Variants in IFTAP observed in about 807,000 individuals in gnomAD.
IFTAP encodes intraflagellar transport associated protein.
A neutral mutation model predicts 19.4 loss-of-function variants in IFTAP; 19 were observed. The observed-to-expected ratio is 0.98, with a 90% CI of 0.68 to 1.44. IFTAP has a LOEUF of 1.44. Among genes scored for constraint, IFTAP ranks in the 40% most tolerant of loss-of-function variants. IFTAP has a pLI of 0.00. For missense variants in IFTAP, 240 were observed against 253.6 expected (o/e 0.95, Z 0.36); for synonymous variants, 85 against 83.5 (o/e 1.02, Z -0.10).
chr11:36,619,008 G>T (rs1852200162), intron 2 of IFTAP, among the ~76,000 whole-genome samples: 1 of 151,968 alleles, frequency 6.6e-6, no homozygotes. Context: ...GGATTAAGGA[G>T]AAGAAAGAGT....
intron 5 of IFTAP, among the ~76,000 whole-genome samples, chr11:36,655,945 T>C (rs1341352164): frequency 2.0e-5 from 3 of 152,132 alleles, no homozygotes; most frequent in Non-Finnish European, 4.4e-5. Flanking sequence ...TCATCCTCCA[T>C]GACAGAGAAG....
intron 2 of IFTAP, among the ~76,000 whole-genome samples, chr11:36,627,804 T>C (rs184352214): frequency 3.3e-5 from 5 of 151,110 alleles, no homozygotes; most frequent in Admixed American, 2.0e-4. Flanking sequence ...CAGGTTGTTA[T>C]CATGCTGTAT....
At chr11:36,624,579 T>C (rs1394391320) in intron 2 of IFTAP, among the ~76,000 whole-genome samples, 1 of 152,186 alleles carries the variant, frequency 6.6e-6, no homozygotes, top group Non-Finnish European at 1.5e-5. Flanking sequence ...CTACCCACCT[T>C]TCCTAAACTG....
intron 4 of IFTAP, among the ~76,000 whole-genome samples, chr11:36,645,959 G>A (rs1478831868): frequency 6.6e-6 from 1 of 152,170 alleles, no homozygotes; most frequent in East Asian, 1.9e-4. Flanking sequence ...AAGGTGCTAT[G>A]TTAGGCACTA....
At chr11:36,612,274 C>G (rs1036829070) in intron 2 of IFTAP, among the ~76,000 whole-genome samples, 17 of 149,596 alleles carry the variant, frequency 1.1e-4, no homozygotes, top group Admixed American at 6.0e-4. Context: ...TCCAAGCACA[C>G]TAGTTGTTTT....
chr11:36,605,276 C>T (rs1380238897), intron 1 of IFTAP, among the ~76,000 whole-genome samples: 1 of 149,564 alleles, frequency 6.7e-6, no homozygotes, highest in African/African-American at 2.5e-5. Flanking sequence ...ACCACCTCCC[C>T]CCTGCCCCCC....
chr11:36,658,734 T>C (rs1002890792), intron 5 of IFTAP, among the ~76,000 whole-genome samples: 3 of 152,184 alleles, frequency 2.0e-5, no homozygotes, highest in Admixed American at 6.6e-5. Flanking sequence ...GTAAAATGTA[T>C]AATGAGTATA....
At chr11:36,619,551 A>AAACAC (rs1371685146) in intron 2 of IFTAP, among the ~76,000 whole-genome samples, 1 of 152,072 alleles carries the variant, frequency 6.6e-6, no homozygotes, top group Non-Finnish European at 1.5e-5. Context: ...TCATAAAAGA[A>AAACAC]AACACAACAA....
intron 1 of IFTAP, among the ~76,000 whole-genome samples, chr11:36,606,349 G>C (rs896257061): frequency 6.6e-6 from 1 of 152,180 alleles, no homozygotes; most frequent in Non-Finnish European, 1.5e-5. Flanking sequence ...TGTAATCCCA[G>C]CTACTCGGGA....
At chr11:36,603,224 T>A (rs1851571326) in intron 1 of IFTAP, among the ~76,000 whole-genome samples, 1 of 152,128 alleles carries the variant, frequency 6.6e-6, no homozygotes, top group Non-Finnish European at 1.5e-5. Context: ...TAAAGTAGCT[T>A]GGGTGAATGA....
chr11:36,633,043 A>G (rs542935023), intron 2 of IFTAP, among the ~76,000 whole-genome samples: 14 of 151,244 alleles, frequency 9.3e-5, no homozygotes, highest in Non-Finnish European at 1.6e-4. Flanking sequence ...GCGACCAAGA[A>G]CAGTGCTGGA....
At chr11:36,644,905 A>G (rs565065842) in intron 4 of IFTAP, among the ~76,000 whole-genome samples, 1,791 of 151,148 alleles carry the variant, frequency 0.012, 20 homozygotes, top group East Asian at 0.031. Flanking sequence ...TGTAAATGAT[A>G]GGTTAATGGG....
rs185590099 is a variant in IFTAP, at chr11:36,619,208, T to C, written c.136+8969T>C. Among the ~76,000 whole-genome samples the C allele has an allele frequency of 5.9e-5, 9 of 152,112 alleles. No individual in the cohort carries two copies. In the East Asian group the frequency reaches 1.7e-3, roughly 29 times the overall value. ...TTTACATTTCTGGACTGATAAATTT[T>C]GAGTTGTCATTTCAGCCAAAAGAAT... On this transcript the variant is annotated intron_variant, in intron 2 of 5. Transcript: ENST00000334307.
intron 1 of IFTAP, among the ~76,000 whole-genome samples, chr11:36,605,490 G>A (rs1851662487): frequency 6.6e-6 from 1 of 152,156 alleles, no homozygotes; most frequent in Non-Finnish European, 1.5e-5. Context: ...ACAATTTCAT[G>A]TATCATATTT....
intron 2 of IFTAP, 49 bp from the exon 3 acceptor site, chr11:36,633,235 G>T: frequency 7.2e-7 from 1 of 1,383,076 alleles, no homozygotes; most frequent in South Asian, 1.9e-5. Context: ...AAATAAACCA[G>T]ACTTGGTATT....
At position 36,636,166 on chromosome 11, in the gene IFTAP, T is replaced by C. The variant is rs774894359; in HGVS notation, c.358+49T>C. The C allele has an allele frequency of 5.7e-6, 8 of 1,397,688 alleles. No individual in the cohort carries two copies. In the South Asian group the frequency reaches 9.4e-5, roughly 16 times the overall value. The allele number at this position is 1,397,688 out of a possible 1,614,324, so 86.6% of individuals were successfully genotyped here. On this transcript the variant is annotated intron_variant, in intron 4 of 5. Transcript: ENST00000334307. ...TACTACCTGACCTCTTTCTAGAAAC[T>C]ACAAATAAGGCTTTAGACAGCTTTC...
intron 3 of IFTAP, among the ~76,000 whole-genome samples, chr11:36,635,656 C>G (rs1852917010): frequency 6.6e-6 from 1 of 152,152 alleles, no homozygotes; most frequent in Admixed American, 6.5e-5. Context: ...GCCAGAGCCA[C>G]CGCCACCATT....
chr11:36,629,303 T>G (rs936494883), intron 2 of IFTAP, among the ~76,000 whole-genome samples: 1 of 151,358 alleles, frequency 6.6e-6, no homozygotes, highest in Non-Finnish European at 1.5e-5. Flanking sequence ...TGCAGAAGGA[T>G]TTTTGCAATT....
intron 5 of IFTAP, among the ~76,000 whole-genome samples, chr11:36,649,319 T>C (rs1400511256): frequency 6.6e-6 from 1 of 152,154 alleles, no homozygotes; most frequent in Non-Finnish European, 1.5e-5. Context: ...CCAAATTGAT[T>C]ACTGGCTAAA....
Sources: allele counts gnomAD v4.1 joint callset (sites outside exome capture counted in the v4.1 genomes callset), GRCh38; gene constraint gnomAD v4.1.1; transcripts MANE v1.5; gene names NCBI Gene and HGNC (gene_info 2026-07-23, HGNC 2026-07-21).